The following PRKN variants were observed in gnomAD, a reference collection of about 807,000 sequenced individuals.
PRKN encodes parkin RBR E3 ubiquitin protein ligase.
Under a neutral mutation model 59.5 loss-of-function variants are expected in PRKN, and 56 were observed. That is an observed-to-expected ratio of 0.94 (90% CI 0.76 to 1.18). PRKN has a LOEUF of 1.18. Ranked by LOEUF, PRKN falls within the 50% of genes most tolerant of loss-of-function variation. The pLI, the probability that PRKN is intolerant of heterozygous loss-of-function variation, is 0.00. For synonymous variants in PRKN, 250 were observed against 222.1 expected (o/e 1.13, Z -1.12); for missense variants, 657 against 596.4 (o/e 1.10, Z -1.06).
At chr6:161,693,880 C>T (rs915148849) in intron 7 of PRKN, among the ~76,000 whole-genome samples, 2 of 152,208 alleles carry the variant, frequency 1.3e-5, no homozygotes, top group Non-Finnish European at 2.9e-5. Context: ...AAGCCCTTTT[C>T]CTGCAAGGGA....
intron 1 of PRKN, among the ~76,000 whole-genome samples, chr6:162,664,239 C>G (rs538866759): frequency 3.9e-5 from 6 of 152,168 alleles, no homozygotes; most frequent in African/African-American, 1.4e-4. Flanking sequence ...TTTTTTATGG[C>G]TGCATAGTAT....
chr6:161,520,544 T>C (rs1340670701), intron 9 of PRKN, among the ~76,000 whole-genome samples: 1 of 152,086 alleles, frequency 6.6e-6, no homozygotes, highest in Non-Finnish European at 1.5e-5. Flanking sequence ...TAATTCTTTA[T>C]TTTGAAATAT....
intron 7 of PRKN, among the ~76,000 whole-genome samples, chr6:161,676,674 C>A (rs1369975525): frequency 6.6e-6 from 1 of 152,134 alleles, no homozygotes; most frequent in African/African-American, 2.4e-5. Context: ...TATTATCTGG[C>A]TCTCTGCAGG....
chr6:161,927,359 T>TG (rs1318509271), intron 6 of PRKN, among the ~76,000 whole-genome samples: 1 of 152,024 alleles, frequency 6.6e-6, no homozygotes, highest in Non-Finnish European at 1.5e-5. Context: ...ATTTTTAAGC[T>TG]GAAAAAATGC....
chr6:161,994,650 T>C (rs1187849055), intron 5 of PRKN, among the ~76,000 whole-genome samples: 2 of 151,566 alleles, frequency 1.3e-5, no homozygotes, highest in Non-Finnish European at 2.9e-5. Context: ...CAAAAATCAA[T>C]AGTGTTTCTC....
chr6:162,621,360 G>A (rs1053434315), intron 1 of PRKN, among the ~76,000 whole-genome samples: 3 of 152,156 alleles, frequency 2.0e-5, no homozygotes, highest in African/African-American at 7.2e-5. Flanking sequence ...AGAACAAGTC[G>A]AGGTTAGCAG....
intron 7 of PRKN, among the ~76,000 whole-genome samples, chr6:161,648,537 T>G (rs9456696): frequency 0.073 from 11,165 of 152,202 alleles, 1,425 homozygotes; most frequent in African/African-American, 0.26. Context: ...CCAATGTGGA[T>G]TCTCATAAAA....
intron 7 of PRKN, among the ~76,000 whole-genome samples, chr6:161,571,433 C>T (rs1209780199): frequency 6.6e-6 from 1 of 152,100 alleles, no homozygotes; most frequent in Non-Finnish European, 1.5e-5. Flanking sequence ...GTCAGAAGCC[C>T]TGAGAGTGTT....
intron 7 of PRKN, among the ~76,000 whole-genome samples, chr6:161,729,959 T>TCTGATGTGTTGCATTCTTG (rs1787608080): frequency 6.6e-6 from 1 of 152,252 alleles, no homozygotes; most frequent in Non-Finnish European, 1.5e-5. Flanking sequence ...TGTGTTGCAT[T>TCTGATGTGTTGCATTCTTG]CTGATGTGTT....
chr6:162,455,092 C>A (rs1418500995), intron 1 of PRKN, among the ~76,000 whole-genome samples: 1 of 152,064 alleles, frequency 6.6e-6, no homozygotes, highest in East Asian at 1.9e-4. Context: ...CTTGGTATTG[C>A]CAAAGAAGTA....
intron 7 of PRKN, among the ~76,000 whole-genome samples, chr6:161,641,114 A>G (rs1217632364): frequency 2.0e-5 from 3 of 152,248 alleles, no homozygotes; most frequent in Middle Eastern, 3.2e-3. Flanking sequence ...GGAGAAACTT[A>G]GTTGATAAAA....
At chr6:162,190,454 A>G (rs955105652) in intron 4 of PRKN, among the ~76,000 whole-genome samples, 12 of 152,338 alleles carry the variant, frequency 7.9e-5, no homozygotes, top group East Asian at 5.8e-4. Flanking sequence ...ATGTGACTCA[A>G]TGTGAGTGCT....
intron 1 of PRKN, among the ~76,000 whole-genome samples, chr6:162,724,446 T>C (rs936019731): frequency 1.3e-5 from 2 of 152,318 alleles, no homozygotes; most frequent in South Asian, 4.1e-4. Context: ...TACATGTCAT[T>C]AGCAGTGAGG....
intron 4 of PRKN, among the ~76,000 whole-genome samples, chr6:162,200,099 G>T (rs543616131): frequency 6.6e-6 from 1 of 152,212 alleles, no homozygotes; most frequent in South Asian, 2.1e-4. Context: ...ATCTGAACAT[G>T]CCAGTCATCA....
At chr6:161,739,381 C>T (rs1054415498) in intron 7 of PRKN, among the ~76,000 whole-genome samples, 1 of 151,926 alleles carries the variant, frequency 6.6e-6, no homozygotes, top group Admixed American at 6.6e-5. Flanking sequence ...GCACTCCAGC[C>T]TGGGCGACAG....
At chr6:162,236,554 G>A (rs1236701477) in intron 3 of PRKN, among the ~76,000 whole-genome samples, 2 of 151,924 alleles carry the variant, frequency 1.3e-5, no homozygotes, top group African/African-American at 4.8e-5. Flanking sequence ...GGGAGGCCGA[G>A]ATGGGCCGAT....
intron 2 of PRKN, among the ~76,000 whole-genome samples, chr6:162,409,602 T>C (rs1170569646): frequency 2.0e-5 from 3 of 152,172 alleles, no homozygotes; most frequent in Non-Finnish European, 2.9e-5. Flanking sequence ...ATTGAACATA[T>C]CCTTTTAATA....
chr6:161,538,615 A>C lies in PRKN; in HGVS notation c.1083+10239T>G, dbSNP rs1173413492. On this transcript the variant is annotated intron_variant, in intron 9 of 11. Coordinates refer to ENST00000366898, the MANE Select transcript of PRKN (RefSeq NM_004562.3). This position sits in a 1 kb window ranked among gnomAD's most constrained non-coding sequence, Gnocchi z 4.2. ...AGTCTTTGAGGACTTCAACTGGTAGAATCCTGGGGCCCACTGAGATGCCAA... is the reference window on the plus strand; with the variant it reads ...AGTCTTTGAGGACTTCAACTGGTAGCATCCTGGGGCCCACTGAGATGCCAA... 1.3e-5 allele frequency among the ~76,000 whole-genome samples: 2 copies of C among 152,068 alleles called. No individual in the cohort carries two copies. Among genetic ancestry groups the C allele is most frequent in the Non-Finnish European group, 2.9e-5 (2 of 68,006 alleles).
At chr6:162,639,523 A>G (rs1777880369) in intron 1 of PRKN, among the ~76,000 whole-genome samples, 1 of 152,132 alleles carries the variant, frequency 6.6e-6, no homozygotes, top group African/African-American at 2.4e-5. Context: ...AATAAACTAT[A>G]ATTTTTAAAT....
Sources: gnomAD v4.1 joint callset for allele counts (sites outside exome capture counted in the v4.1 genomes callset) on GRCh38, gnomAD v4.1.1 for gene constraint, Gnocchi (gnomAD v3.1) non-coding constraint, MANE v1.5 for transcripts, NCBI Gene and HGNC (gene_info 2026-07-23, HGNC 2026-07-21) for gene names.